RGS7: variants seen among roughly 807,000 people sequenced by gnomAD.
RGS7 encodes the protein regulator of G-protein signaling 7.
Under a neutral mutation model 81.1 loss-of-function variants are expected in RGS7, and 27 were observed. The observed-to-expected ratio is 0.33, with a 90% CI of 0.25 to 0.46. The LOEUF (loss-of-function observed/expected upper bound fraction) is 0.46. RGS7 is among the 20% of genes least tolerant of loss of function. The probability of loss-of-function intolerance (pLI) is 1.00; values close to 1 mark genes in which losing one functional copy is unlikely to be tolerated. For synonymous variants in RGS7, 208 were observed against 207.7 expected (o/e 1.00, Z -0.01); for missense variants, 396 against 607.4 (o/e 0.65, Z 3.66).
At position 240,823,843 on chromosome 1, in the gene RGS7, C is replaced by T. The variant is rs550847001; in HGVS notation, c.684+3255G>A. ...CCCGCCCCCCACTCTGTCTCTGGTT[C>T]GGTTTCTCTGGAGAACTCTGGCTAA... On this transcript the variant is annotated intron_variant, in intron 10 of 18. Transcript: ENST00000440928. 7.3e-4 allele frequency among the ~76,000 whole-genome samples: 103 copies of T among 140,846 alleles called. 1 individual carries two copies. Among genetic ancestry groups the T allele is most frequent in the Non-Finnish European group, 1.5e-3 (96 of 64,680 alleles). 92.4% of individuals were successfully genotyped at this position (140,846 alleles called of 152,430 possible).
chr1:240,807,431 A>G (rs899973511), intron 14 of RGS7, among the ~76,000 whole-genome samples: 5 of 152,196 alleles, frequency 3.3e-5, no homozygotes, highest in Non-Finnish European at 7.4e-5. Flanking sequence ...TTCAGGCTAC[A>G]GAGTCTTAAG....
chr1:241,068,257 T>TATGTATATATATATATATATATATAAAA (rs1433690559), intron 3 of RGS7, among the ~76,000 whole-genome samples: 3 of 73,266 alleles, frequency 4.1e-5, no homozygotes, highest in African/African-American at 1.3e-4. Flanking sequence ...TATATATATA[T>TATGTATATATATATATATATATATAAAA]AAAATATTGT....
intron 3 of RGS7, among the ~76,000 whole-genome samples, chr1:241,028,004 C>T (rs1156575202): frequency 6.6e-6 from 1 of 152,130 alleles, no homozygotes; most frequent in Non-Finnish European, 1.5e-5. Context: ...AATAGCTTTA[C>T]CTTGTGGAAC....
chr1:240,884,778 T>A (rs1252521757), intron 6 of RGS7, among the ~76,000 whole-genome samples: 1 of 152,204 alleles, frequency 6.6e-6, no homozygotes, highest in Admixed American at 6.5e-5. Context: ...AATACTTAAA[T>A]GTCAAACCCA....
chr1:241,005,435 C>CA (rs113483536), intron 3 of RGS7, among the ~76,000 whole-genome samples: 93 of 151,044 alleles, frequency 6.2e-4, no homozygotes, highest in African/African-American at 2.1e-3. Flanking sequence ...CATGCCCTGA[C>CA]AAAAAAAAAC....
chr1:240,852,538 A>T (rs1660300034), intron 9 of RGS7, among the ~76,000 whole-genome samples: 1 of 152,080 alleles, frequency 6.6e-6, no homozygotes, highest in Non-Finnish European at 1.5e-5. Context: ...ATTATATGGT[A>T]ATTTATATAA....
intron 2 of RGS7, among the ~76,000 whole-genome samples, chr1:241,104,382 T>C (rs2064969104): frequency 6.6e-6 from 1 of 152,180 alleles, no homozygotes; most frequent in Admixed American, 6.5e-5. Context: ...TGTAAAAAAC[T>C]GAGTTCATGT....
chr1:241,145,576 G>C (rs1185974305), intron 2 of RGS7, among the ~76,000 whole-genome samples: 2 of 152,094 alleles, frequency 1.3e-5, no homozygotes, highest in East Asian at 1.9e-4. Flanking sequence ...GATCACCTGA[G>C]GTCAGGATTT....
chr1:240,950,418 G>A (rs1432887855), intron 4 of RGS7, among the ~76,000 whole-genome samples: 1 of 152,178 alleles, frequency 6.6e-6, no homozygotes, highest in African/African-American at 2.4e-5. Flanking sequence ...TCCAACTACA[G>A]TCCCCTCTAG....
chr1:241,286,172 G>A (rs2078797915), intron 2 of RGS7, among the ~76,000 whole-genome samples: 1 of 152,036 alleles, frequency 6.6e-6, no homozygotes, highest in Non-Finnish European at 1.5e-5. Context: ...CTTTCAATAA[G>A]ACTTCACCAA....
chr1:240,836,455 A>T (rs987967929), intron 9 of RGS7, among the ~76,000 whole-genome samples: 2 of 152,106 alleles, frequency 1.3e-5, no homozygotes, highest in Non-Finnish European at 1.5e-5. Context: ...TGCATCTGGG[A>T]TGCATTTTGA....
chr1:241,258,979 G>T (rs754199909), intron 2 of RGS7, among the ~76,000 whole-genome samples: 1 of 152,082 alleles, frequency 6.6e-6, no homozygotes, highest in African/African-American at 2.4e-5. Flanking sequence ...ACAGCAGGGG[G>T]CCATACTTCA....
In RGS7 at chr1:241,167,732, C is replaced by G. The variant is rs367706419; in HGVS notation, c.79-68970G>C. On this transcript the variant is annotated intron_variant, in intron 2 of 18. Transcript: ENST00000440928. ...ACGGGGTTTCATCATGTTGGCCAGG[C>G]TTGTCTCAATCTCCTGACCTCATGA... Among the ~76,000 whole-genome samples, 9 of 152,040 alleles carry G rather than the reference C, an allele frequency of 5.9e-5. No homozygotes were observed. The South Asian group carries it at 1.9e-3, about 32-fold the overall frequency.
chr1:241,315,107 CTTTTTTTTT>C (rs5782184), intron 2 of RGS7, among the ~76,000 whole-genome samples: 3 of 57,432 alleles, frequency 5.2e-5, no homozygotes, highest in Admixed American at 3.1e-4. Flanking sequence ...TCTTCTTCTT[CTTTTTTTTT>C]TTTTTTTTTT....
intron 5 of RGS7, among the ~76,000 whole-genome samples, chr1:240,931,976 T>C (rs1675518459): frequency 6.6e-6 from 1 of 152,184 alleles, no homozygotes; most frequent in Non-Finnish European, 1.5e-5. Flanking sequence ...GTAACAGTGA[T>C]GGCAAATATC....
At chr1:241,263,175 GC>G (rs1429132493) in intron 2 of RGS7, among the ~76,000 whole-genome samples, 1 of 152,092 alleles carries the variant, frequency 6.6e-6, no homozygotes, top group Non-Finnish European at 1.5e-5. Flanking sequence ...TACTCAGGAG[GC>G]TGAGGCAGGA....
At chr1:241,338,968 T>C (rs2082387904) in intron 2 of RGS7, among the ~76,000 whole-genome samples, 1 of 152,072 alleles carries the variant, frequency 6.6e-6, no homozygotes, top group African/African-American at 2.4e-5. Flanking sequence ...GTCATGGTGG[T>C]TTGCCGCACC....
In RGS7 at chr1:240,868,142, GAAAGAAAGAA is replaced by G. The variant is rs145661714; in HGVS notation, c.609+435_609+444del. Among the ~76,000 whole-genome samples the G allele has an allele frequency of 0.019, 2,253 of 121,202 alleles. 60 individuals are homozygous for G. The highest frequency in any genetic ancestry group is 0.094 in the African/African-American group (2,068 of 22,004). The allele number at this position is 121,202 out of a possible 152,430, so 79.5% of individuals were successfully genotyped here. On this transcript the variant is annotated intron_variant, in intron 9 of 18. Transcript: ENST00000440928. The surrounding 1 kb of genome is among the most constrained non-coding windows in gnomAD (Gnocchi z 5.1). Reference sequence around the variant, plus strand: ...GGAAAGAAAGAAAGAAAGAAAGAAAGAAAGAAAGAAAGAAAGGACGGAGGGAGGGAAGGAC... The same window carrying G: ...GGAAAGAAAGAAAGAAAGAAAGAAAGAGAAAGGACGGAGGGAGGGAAGGAC...
At chr1:240,796,386 G>A (rs932734682) in intron 18 of RGS7, among the ~76,000 whole-genome samples, 1 of 152,168 alleles carries the variant, frequency 6.6e-6, no homozygotes, top group Non-Finnish European at 1.5e-5. Flanking sequence ...TTGAGTTACA[G>A]AGTTAAAAAC....
Sources: gnomAD v4.1 joint callset for allele counts (sites outside exome capture counted in the v4.1 genomes callset) on GRCh38, gnomAD v4.1.1 for gene constraint, Gnocchi (gnomAD v3.1) non-coding constraint, MANE v1.5 for transcripts, NCBI Gene and HGNC (gene_info 2026-07-23, HGNC 2026-07-21) for gene names.